UBTD1: variants seen among roughly 807,000 people sequenced by gnomAD.
UBTD1 encodes the protein ubiquitin domain-containing protein 1.
Under a neutral mutation model 21.7 loss-of-function variants are expected in UBTD1, and 19 were observed. The observed-to-expected ratio is 0.87, with a 90% CI of 0.61 to 1.28. The LOEUF (loss-of-function observed/expected upper bound fraction) is 1.28, where lower values mean the gene tolerates loss of function less well. UBTD1 is among the 50% of genes most tolerant of loss of function. The probability of loss-of-function intolerance (pLI) is 0.00; values close to 1 mark genes in which losing one functional copy is unlikely to be tolerated. For missense variants in UBTD1, 282 were observed against 315.1 expected (o/e 0.89, Z 0.80); for synonymous variants, 116 against 135.1 (o/e 0.86, Z 0.98).
intron 1 of UBTD1, among the ~76,000 whole-genome samples, chr10:97,534,920 GC>G (rs1589875631): frequency 6.6e-6 from 1 of 152,328 alleles, no homozygotes; most frequent in East Asian, 1.9e-4. Flanking sequence ...GCGGCACTCA[GC>G]CAGCCTTTCT....
At chr10:97,564,901 T>A (rs1268290741) in intron 1 of UBTD1, among the ~76,000 whole-genome samples, 1 of 152,320 alleles carries the variant, frequency 6.6e-6, no homozygotes, top group Non-Finnish European at 1.5e-5. Context: ...TCCTTTCTGT[T>A]GATTCGAGGA....
chr10:97,513,927 G>A (rs1253724486), intron 1 of UBTD1, among the ~76,000 whole-genome samples: 4 of 151,884 alleles, frequency 2.6e-5, no homozygotes, highest in Non-Finnish European at 5.9e-5. Flanking sequence ...GCCCAGGCTG[G>A]TCTCAAACTC....
At chr10:97,561,365 G>A (rs1036250012) in intron 1 of UBTD1, among the ~76,000 whole-genome samples, 6 of 152,108 alleles carry the variant, frequency 3.9e-5, no homozygotes, top group African/African-American at 7.2e-5. Context: ...CTCAGACACC[G>A]AGTTGTAGAA....
chr10:97,502,895 A>ATATG (rs2040383019), intron 1 of UBTD1, among the ~76,000 whole-genome samples: 1 of 143,902 alleles, frequency 6.9e-6, no homozygotes. Context: ...ACGTATATAT[A>ATATG]TGTGTGTATA....
intron 1 of UBTD1, among the ~76,000 whole-genome samples, chr10:97,528,186 A>C (rs2040501086): frequency 4.8e-5 from 3 of 62,750 alleles, no homozygotes; most frequent in South Asian, 1.1e-3. Context: ...TGACTCCCCC[A>C]CCTCCCTCCT....
At chr10:97,511,312 T>G (rs368460217) in intron 1 of UBTD1, among the ~76,000 whole-genome samples, 73 of 152,280 alleles carry the variant, frequency 4.8e-4, no homozygotes, top group African/African-American at 1.7e-3. Context: ...TTCAGTGATG[T>G]TAACTGTGTG....
At chr10:97,516,638 G>A (rs985665897) in intron 1 of UBTD1, among the ~76,000 whole-genome samples, 4 of 152,286 alleles carry the variant, frequency 2.6e-5, no homozygotes, top group East Asian at 1.9e-4. Context: ...AGCCGGGCAC[G>A]GTGGCAGGCG....
intron 1 of UBTD1, among the ~76,000 whole-genome samples, chr10:97,511,204 A>C (rs183828038): frequency 7.5e-4 from 114 of 152,272 alleles, no homozygotes; most frequent in Non-Finnish European, 1.2e-3. Flanking sequence ...CTGATTGCAC[A>C]CTGATTGTGC....
intron 1 of UBTD1, among the ~76,000 whole-genome samples, chr10:97,539,511 C>T (rs1293296359): frequency 1.3e-5 from 2 of 151,656 alleles, no homozygotes; most frequent in African/African-American, 4.9e-5. Flanking sequence ...AGGAGGATCT[C>T]TTGAGCCCAG....
intron 1 of UBTD1, 66 bp downstream of exon 1, chr10:97,499,339 C>T (rs12763480): frequency 1.7e-5 from 26 of 1,501,598 alleles, no homozygotes; most frequent in Non-Finnish European, 2.2e-5. Context: ...CGCCCGAGTC[C>T]TGGGCTTACC....
At chr10:97,541,017 G>C (rs2040584640) in intron 1 of UBTD1, among the ~76,000 whole-genome samples, 1 of 152,168 alleles carries the variant, frequency 6.6e-6, no homozygotes, top group Non-Finnish European at 1.5e-5. Context: ...GCCCTGGGGA[G>C]TTGGTAGGCA....
At chr10:97,522,077 G>A (rs1169805966) in intron 1 of UBTD1, among the ~76,000 whole-genome samples, 1 of 152,210 alleles carries the variant, frequency 6.6e-6, no homozygotes, top group Non-Finnish European at 1.5e-5. Context: ...GGTGGCAAGA[G>A]CATGTCTGAC....
In UBTD1 at chr10:97,545,338, CA is replaced by C. The variant is rs71007349; in HGVS notation, c.71-22562del. Among the ~76,000 whole-genome samples, 210 of 126,810 alleles carry C rather than the reference CA, an allele frequency of 1.7e-3. 1 individual carries two copies. The highest frequency in any genetic ancestry group is 4.2e-3 in the African/African-American group (137 of 32,910). 83.2% of individuals were successfully genotyped at this position (126,810 alleles called of 152,430 possible). A position where few individuals can be genotyped will look rare whatever the true frequency, so the allele number is the denominator to read the frequency against. ...CTGGGCAACGAGCGAGACTCCGTCT[CA>C]AAAAAAAAAAAAAGACCTACTTTCT... On this transcript the variant is annotated intron_variant, in intron 1 of 2. Transcript: ENST00000370664.
At chr10:97,505,649 T>C (rs1386902648) in intron 1 of UBTD1, among the ~76,000 whole-genome samples, 1 of 152,252 alleles carries the variant, frequency 6.6e-6, no homozygotes, top group Non-Finnish European at 1.5e-5. Flanking sequence ...GGGTCTCTGC[T>C]CCTTCCTAGT....
At chr10:97,554,259 T>TC (rs1354883770) in intron 1 of UBTD1, among the ~76,000 whole-genome samples, 1 of 150,452 alleles carries the variant, frequency 6.6e-6, no homozygotes, top group African/African-American at 2.4e-5. Flanking sequence ...TTTTTTTTTT[T>TC]TTTCTGAGAT....
At chr10:97,531,096 C>G (rs1466341799) in intron 1 of UBTD1, among the ~76,000 whole-genome samples, 2 of 151,982 alleles carry the variant, frequency 1.3e-5, no homozygotes, top group African/African-American at 4.8e-5. Context: ...ACCTTGTTAG[C>G]CAGGATGGTC....
At chr10:97,515,358 A>G (rs2135660718) in intron 1 of UBTD1, among the ~76,000 whole-genome samples, 1 of 152,380 alleles carries the variant, frequency 6.6e-6, no homozygotes, top group African/African-American at 2.4e-5. Flanking sequence ...TAGGAAAGCC[A>G]GAACGTGGGG....
intron 1 of UBTD1, among the ~76,000 whole-genome samples, chr10:97,552,619 T>G (rs1240202878): frequency 1.3e-5 from 2 of 152,098 alleles, no homozygotes; most frequent in Non-Finnish European, 2.9e-5. Flanking sequence ...TCCCAGCTGG[T>G]CTTGAACTCC....
intron 1 of UBTD1, among the ~76,000 whole-genome samples, chr10:97,502,317 C>G (rs1220508491): frequency 6.6e-6 from 1 of 152,128 alleles, no homozygotes; most frequent in African/African-American, 2.4e-5. Context: ...GGGAAGGAAT[C>G]CTTCTTAACT....
Sources: allele counts gnomAD v4.1 joint callset (sites outside exome capture counted in the v4.1 genomes callset), GRCh38; gene constraint gnomAD v4.1.1; transcripts MANE v1.5; gene names NCBI Gene and HGNC (gene_info 2026-07-23, HGNC 2026-07-21).